Variants in ITGB3 observed in about 807,000 individuals in gnomAD.
ITGB3 encodes integrin beta-3.
ITGB3 carries 48 observed loss-of-function variants against 85.8 expected under a neutral mutation model. The observed-to-expected ratio is 0.56, with a 90% CI of 0.44 to 0.71. The LOEUF (loss-of-function observed/expected upper bound fraction) is 0.71. Among genes scored for constraint, ITGB3 ranks in the 30% least tolerant of loss-of-function variants. ITGB3 has a pLI of 0.00. For synonymous variants in ITGB3, 363 were observed against 395.6 expected (o/e 0.92, Z 0.98); for missense variants, 861 against 1,019.1 (o/e 0.84, Z 2.11).
intron 1 of ITGB3, among the ~76,000 whole-genome samples, chr17:47,257,069 G>A (rs562688842): frequency 2.6e-5 from 4 of 152,328 alleles, no homozygotes; most frequent in Non-Finnish European, 4.4e-5. Context: ...AGGAAACAAT[G>A]CCTATGATTA....
At position 47,291,102 on chromosome 17, in the gene ITGB3, G is replaced by A. The variant is rs757785407; in HGVS notation, c.1260+14G>A. On this transcript the variant is annotated intron_variant, in intron 9 of 14. Coordinates refer to ENST00000559488, the MANE Select transcript of ITGB3 (RefSeq NM_000212.3). ...ATTGGAGACACGGTGAGGTGGGCTGGGCAGGGCCTTTGTCCTGGAGCATCT... is the reference window on the plus strand; with the variant it reads ...ATTGGAGACACGGTGAGGTGGGCTGAGCAGGGCCTTTGTCCTGGAGCATCT... 1.9e-6 allele frequency: 3 copies of A among 1,613,976 alleles called. No homozygotes were observed. In the South Asian group the frequency reaches 3.3e-5, roughly 18 times the overall value.
At chr17:47,306,668 T>G (rs1169819117) in intron 13 of ITGB3, among the ~76,000 whole-genome samples, 1 of 150,034 alleles carries the variant, frequency 6.7e-6, no homozygotes, top group East Asian at 2.1e-4. Flanking sequence ...TTTTTATTTC[T>G]TATTCATTTA....
intron 6 of ITGB3, 140 bp from the exon 7 acceptor site, chr17:47,289,539 CTT>C (rs1485469363): frequency 4.4e-6 from 3 of 686,946 alleles, no homozygotes; most frequent in Non-Finnish European, 5.1e-6. Context: ...TGCCCAGGCT[CTT>C]GTCTCACTTT....
chr17:47,290,107 C>G, intron 7 of ITGB3, 78 bp from the exon 8 acceptor site: 2 of 1,013,644 alleles, frequency 2.0e-6, no homozygotes, highest in Non-Finnish European at 3.2e-6. Context: ...TCAGGACTCT[C>G]AGTGGGATTT....
chr17:47,302,803 T>C lies in ITGB3; in HGVS notation c.2097T>C (p.Ser699=), dbSNP rs765672382. 1 of 1,614,186 alleles carries C rather than the reference T, an allele frequency of 6.2e-7. No individual in the cohort carries two copies. The highest frequency in any genetic ancestry group is 1.1e-5 in the South Asian group (1 of 91,088). ...TCAGATTCCAGTACTATGAAGATTCTAGTGGAAAGTCCATCCTGTATGTGG... is the reference window on the plus strand; with the variant it reads ...TCAGATTCCAGTACTATGAAGATTCCAGTGGAAAGTCCATCCTGTATGTGG... ...CVVRFQYYED[S]SGKSILYVVE... The change falls in exon 13 of 15, where the codon TCT becomes TCC. Residue 699 remains serine (S), a synonymous_variant. Transcript: ENST00000559488.
chr17:47,264,139 T>C (rs2065017937), intron 1 of ITGB3, among the ~76,000 whole-genome samples: 2 of 152,232 alleles, frequency 1.3e-5, no homozygotes, highest in Non-Finnish European at 2.9e-5. Context: ...AGCAGAGCCC[T>C]GACTGGTTAT....
chr17:47,290,096 C>A, intron 7 of ITGB3, 89 bp from the exon 8 acceptor site: 1 of 948,972 alleles, frequency 1.1e-6, no homozygotes, highest in Non-Finnish European at 1.7e-6. Flanking sequence ...CAATCTTCAT[C>A]TCAGGACTCT....
Position 47,291,151 on chromosome 17 carries a change from C to T in ITGB3, c.1260+63C>T, listed in dbSNP as rs746914252. ...CTGTGGGCACCCAACCCCCTTTCTT[C>T]CTTTTGTAGTGACTAAAAATGGCCC... On this transcript the variant is annotated intron_variant, in intron 9 of 14. Coordinates refer to ENST00000559488, the MANE Select transcript of ITGB3 (RefSeq NM_000212.3). The T allele has an allele frequency of 1.6e-5, 25 of 1,604,714 alleles. No individual in the cohort carries two copies. The Admixed American group carries it at 2.0e-4, about 13-fold the overall frequency.
chr17:47,273,834 C>G (rs1312047782), intron 1 of ITGB3, among the ~76,000 whole-genome samples: 1 of 152,200 alleles, frequency 6.6e-6, no homozygotes, highest in African/African-American at 2.4e-5. Flanking sequence ...CCTCCTAGAG[C>G]ATTTTGTGGT....
chr17:47,258,434 C>CTTTT (rs545172183), intron 1 of ITGB3, among the ~76,000 whole-genome samples: 1 of 144,794 alleles, frequency 6.9e-6, no homozygotes. Flanking sequence ...CAAAAACACT[C>CTTTT]TTTTTTTTTT....
chr17:47,290,926 T>G, intron 8 of ITGB3, 28 bp from the exon 9 acceptor site: 1 of 1,613,854 alleles, frequency 6.2e-7, no homozygotes, highest in Non-Finnish European at 8.5e-7. Flanking sequence ...GTTCAATTTC[T>G]TGTCTTCTTG....
At chr17:47,286,808 G>T (rs1244961750) in intron 5 of ITGB3, among the ~76,000 whole-genome samples, 1 of 152,250 alleles carries the variant, frequency 6.6e-6, no homozygotes, top group African/African-American at 2.4e-5. Flanking sequence ...GTCATTAGAA[G>T]AGTTAAGTTT....
intron 10 of ITGB3, among the ~76,000 whole-genome samples, chr17:47,295,280 G>C (rs1241662216): frequency 3.9e-5 from 6 of 152,106 alleles, no homozygotes; most frequent in African/African-American, 1.4e-4. Flanking sequence ...AGATCTCAGA[G>C]GAGGGGCAGG....
chr17:47,279,525 T>G (rs1036880778), intron 2 of ITGB3: 25 of 152,204 alleles, frequency 1.6e-4, no homozygotes, highest in African/African-American at 5.8e-4. Flanking sequence ...AGGGAGGCAG[T>G]TTTGTTTTTC....
intron 8 of ITGB3, 23 bp from the exon 9 acceptor site, chr17:47,290,931 T>G (rs747513848): frequency 6.2e-7 from 1 of 1,613,994 alleles, no homozygotes. Flanking sequence ...ATTTCTTGTC[T>G]TCTTGTGCCC....
At chr17:47,284,360 T>C (rs2061944074) in intron 3 of ITGB3, 83 bp from the exon 4 acceptor site, 1 of 1,563,722 alleles carries the variant, frequency 6.4e-7, no homozygotes, top group South Asian at 1.1e-5. Context: ...TCATGCAATT[T>C]CTTAGTCCCA....
chr17:47,307,669 C>T, intron 14 of ITGB3, 32 bp downstream of exon 14: 1 of 1,606,968 alleles, frequency 6.2e-7, no homozygotes, highest in Non-Finnish European at 8.5e-7. Flanking sequence ...TTTCTAAAGT[C>T]ATTGGTCTGA....
At chr17:47,300,247 GGCTGCCAGGT>G in intron 11 of ITGB3, among the ~76,000 whole-genome samples, 1 of 152,212 alleles carries the variant, frequency 6.6e-6, no homozygotes, top group Admixed American at 6.5e-5. Context: ...GGAGGCTTCT[GGCTGCCAGGT>G]GCTGCCTACA....
At position 47,279,320 on chromosome 17, in the gene ITGB3, C is replaced by G. The variant is rs539136153; in HGVS notation, c.166-4034C>G. On this transcript the variant is annotated intron_variant, in intron 2 of 14. Transcript: ENST00000559488. ...TAATATCCACCCCTCCCCCTTCTAG[C>G]TTTCTTCCTGCATAACCTGGAGACA... Among the ~76,000 whole-genome samples, 4 of 152,336 alleles carry G rather than the reference C, an allele frequency of 2.6e-5. No homozygotes were observed. In the South Asian group the frequency reaches 8.3e-4, roughly 32 times the overall value.
Sources: gnomAD v4.1 joint callset for allele counts (sites outside exome capture counted in the v4.1 genomes callset) on GRCh38, gnomAD v4.1.1 for gene constraint, MANE v1.5 for transcripts, NCBI Gene and HGNC (gene_info 2026-07-23, HGNC 2026-07-21) for gene names.